SRBD1: variants seen among roughly 807,000 people sequenced by gnomAD.
SRBD1 encodes S1 RNA-binding domain-containing protein 1.
In SRBD1, 88 loss-of-function variants were observed where a neutral mutation model predicts 115.3. The ratio of observed to expected loss-of-function variants is 0.76; its 90% CI spans 0.64 to 0.91. SRBD1 has a LOEUF of 0.91. SRBD1 is among the 40% of genes least tolerant of loss of function. The pLI is 0.00. For missense variants in SRBD1, 1,385 were observed against 1,177.4 expected (o/e 1.18, Z -2.58); for synonymous variants, 509 against 407.7 (o/e 1.25, Z -2.99).
intron 4 of SRBD1, among the ~76,000 whole-genome samples, chr2:45,587,045 A>G (rs1198228856): frequency 1.2e-5 from 1 of 85,906 alleles, no homozygotes; most frequent in East Asian, 2.6e-4. Flanking sequence ...AAATTTTTAA[A>G]TATTTAATTA....
At chr2:45,502,789 T>C (rs1159174048) in intron 14 of SRBD1, among the ~76,000 whole-genome samples, 1 of 151,598 alleles carries the variant, frequency 6.6e-6, no homozygotes, top group East Asian at 1.9e-4. Flanking sequence ...GTAACAAACC[T>C]GCACATTGTG....
intron 6 of SRBD1, among the ~76,000 whole-genome samples, chr2:45,580,671 T>C (rs1304511126): frequency 7.3e-6 from 1 of 137,298 alleles, no homozygotes; most frequent in Non-Finnish European, 1.6e-5. Context: ...TCAATTCTTC[T>C]ACTTCTTTTT....
intron 17 of SRBD1, among the ~76,000 whole-genome samples, chr2:45,419,139 T>C (rs1403792812): frequency 6.6e-6 from 1 of 152,232 alleles, no homozygotes; most frequent in Non-Finnish European, 1.5e-5. Flanking sequence ...TTATGAAATG[T>C]TTGTAGATGT....
At chr2:45,550,519 T>A (rs918577901) in intron 12 of SRBD1, among the ~76,000 whole-genome samples, 41 of 149,704 alleles carry the variant, frequency 2.7e-4, no homozygotes, top group African/African-American at 9.4e-4. Flanking sequence ...AATGACATCT[T>A]TAAAGTACTG....
At chr2:45,592,581 T>C (rs1446015367) in intron 4 of SRBD1, among the ~76,000 whole-genome samples, 1 of 152,222 alleles carries the variant, frequency 6.6e-6, no homozygotes, top group Non-Finnish European at 1.5e-5. Flanking sequence ...TCTTGCTTTA[T>C]GCCCCTCAGT....
intron 16 of SRBD1, among the ~76,000 whole-genome samples, chr2:45,424,577 T>G (rs535281222): frequency 6.6e-6 from 1 of 152,296 alleles, no homozygotes; most frequent in African/African-American, 2.4e-5. Flanking sequence ...TAAACATAAG[T>G]AAAATAGCAT....
intron 1 of SRBD1, among the ~76,000 whole-genome samples, chr2:45,606,157 CTTTTTTTTT>C (rs71394845): frequency 1.7e-5 from 2 of 116,742 alleles, no homozygotes; most frequent in South Asian, 2.7e-4. Context: ...TTTTCCTATT[CTTTTTTTTT>C]TTTTTTTTTT....
At chr2:45,521,996 GA>G (rs923650685) in intron 14 of SRBD1, among the ~76,000 whole-genome samples, 21 of 136,926 alleles carry the variant, frequency 1.5e-4, no homozygotes, top group African/African-American at 3.8e-4. Flanking sequence ...AAAGAAAGAA[GA>G]AAAAAAAAAG....
At chr2:45,610,990 CAA>C (rs1674432012) in intron 1 of SRBD1, among the ~76,000 whole-genome samples, 1 of 151,620 alleles carries the variant, frequency 6.6e-6, no homozygotes, top group African/African-American at 2.4e-5. Context: ...AGAGCTGCAG[CAA>C]TTTGGCTGAA....
rs564715511 is a variant in SRBD1, at chr2:45,582,107, T to C, written c.816-297A>G. On this transcript the variant is annotated intron_variant, in intron 5 of 20. Coordinates refer to ENST00000263736, the MANE Select transcript of SRBD1 (RefSeq NM_018079.5). ...TACCAACTGTCCCAATAATATCCTTTATAGTGGATTCAGTTAAGAATTATG... is the reference window on the plus strand; with the variant it reads ...TACCAACTGTCCCAATAATATCCTTCATAGTGGATTCAGTTAAGAATTATG... Among the ~76,000 whole-genome samples, 5 of 152,308 alleles carry C rather than the reference T, an allele frequency of 3.3e-5. No homozygotes were observed. The East Asian group carries it at 5.8e-4, about 18-fold the overall frequency.
chr2:45,414,997 T>C (rs529408983), intron 18 of SRBD1, among the ~76,000 whole-genome samples: 4 of 111,408 alleles, frequency 3.6e-5, no homozygotes, highest in Non-Finnish European at 6.9e-5. Flanking sequence ...TACACACATA[T>C]AGTGTGTATA....
rs1553356650 is a variant in SRBD1 at position 45,571,537 on chromosome 2, A to AAAAAAAAC, written c.1305+1669_1305+1670insGTTTTTTT. On this transcript the variant is annotated intron_variant, in intron 9 of 20. Transcript: ENST00000263736. ...TTTACCAAAAAAAAAAAAAAAAAAA[A>AAAAAAAAC]AAAAACTGTCCATGAGGAAGCTTAG... Among the ~76,000 whole-genome samples, 8 of 143,886 alleles carry AAAAAAAAC rather than the reference A, an allele frequency of 5.6e-5. 1 individual carries two copies. Among genetic ancestry groups the AAAAAAAAC allele is most frequent in the South Asian group, 2.4e-4 (1 of 4,238 alleles). 94.4% of individuals were successfully genotyped at this position (143,886 alleles called of 152,430 possible).
intron 19 of SRBD1, among the ~76,000 whole-genome samples, chr2:45,407,569 CT>C (rs900796183): frequency 6.6e-5 from 10 of 152,160 alleles, no homozygotes; most frequent in African/African-American, 2.2e-4. Flanking sequence ...ACTTCAGCCC[CT>C]ATCACAGTGT....
chr2:45,535,978 G>C (rs952348572), intron 14 of SRBD1, among the ~76,000 whole-genome samples: 8 of 151,958 alleles, frequency 5.3e-5, no homozygotes, highest in Non-Finnish European at 1.2e-4. Flanking sequence ...CACATTCTTG[G>C]TTACTTACAC....
intron 16 of SRBD1, among the ~76,000 whole-genome samples, chr2:45,461,956 G>C (rs1014143911): frequency 3.9e-5 from 6 of 152,094 alleles, no homozygotes; most frequent in Non-Finnish European, 7.4e-5. Flanking sequence ...TCAGTTTGCT[G>C]ATGAGAGCTG....
chr2:45,392,228 C>T (rs1362200033), intron 20 of SRBD1, among the ~76,000 whole-genome samples: 1 of 152,198 alleles, frequency 6.6e-6, no homozygotes. Context: ...GTCTAACCAT[C>T]TCAATGCAGC....
At position 45,610,440 on chromosome 2, in the gene SRBD1, C is replaced by T. The variant is rs117925478; in HGVS notation, c.-1+779G>A. Among the ~76,000 whole-genome samples the T allele has an allele frequency of 9.9e-4, 151 of 152,290 alleles. 3 individuals carry two copies. The East Asian group carries it at 0.022, about 22-fold the overall frequency. ...CTGAAAGAACCTGAGATCAGACAGT[C>T]CCGCTATATTCAGAAATCTGAGACC... On this transcript the variant is annotated intron_variant, in intron 1 of 20. Coordinates refer to ENST00000263736, the MANE Select transcript of SRBD1 (RefSeq NM_018079.5).
intron 18 of SRBD1, among the ~76,000 whole-genome samples, chr2:45,415,788 G>C (rs572088779): frequency 3.9e-5 from 4 of 102,390 alleles, no homozygotes; most frequent in East Asian, 6.4e-4. Context: ...GGAGAGGAGA[G>C]GAGAGGAGAG....
At chr2:45,490,292 G>A (rs1194988756) in intron 14 of SRBD1, among the ~76,000 whole-genome samples, 4 of 152,106 alleles carry the variant, frequency 2.6e-5, no homozygotes, top group Non-Finnish European at 2.9e-5. Context: ...GCAGGAAGAG[G>A]CAGGATTAAT....
Sources: allele counts gnomAD v4.1 joint callset (sites outside exome capture counted in the v4.1 genomes callset), GRCh38; gene constraint gnomAD v4.1.1; transcripts MANE v1.5; gene names NCBI Gene and HGNC (gene_info 2026-07-23, HGNC 2026-07-21).